Variants in SPOCK3 observed in about 807,000 individuals in gnomAD.
SPOCK3 encodes testican-3.
In SPOCK3, 30 loss-of-function variants were observed where a neutral mutation model predicts 56.6. The ratio of observed to expected loss-of-function variants is 0.53; its 90% CI spans 0.40 to 0.72. The LOEUF is 0.72. SPOCK3 is among the 30% of genes least tolerant of loss of function. SPOCK3 has a pLI of 0.00. For missense variants in SPOCK3, 527 were observed against 530.0 expected (o/e 0.99, Z 0.06); for synonymous variants, 196 against 183.3 (o/e 1.07, Z -0.56).
At chr4:166,794,967 G>T (rs573500608) in intron 6 of SPOCK3, among the ~76,000 whole-genome samples, 67 of 152,128 alleles carry the variant, frequency 4.4e-4, no homozygotes, top group Middle Eastern at 3.4e-3. Context: ...TATCGTGCAG[G>T]TATACTACAT....
rs552169285 is a variant in SPOCK3, at chr4:166,878,444, T to C, written c.589+10686A>G. Among the ~76,000 whole-genome samples the C allele has an allele frequency of 4.6e-5, 7 of 152,098 alleles. No homozygotes were observed. The South Asian group carries it at 1.5e-3, about 32-fold the overall frequency. On this transcript the variant is annotated intron_variant, in intron 6 of 10. Coordinates refer to ENST00000357545, the MANE Select transcript of SPOCK3 (RefSeq NM_001040159.2). ...AAGTTGGCCAAAATCATAGGCAACA[T>C]AGGCCAATAAATTTTTAAAATTTTT...
intron 2 of SPOCK3, among the ~76,000 whole-genome samples, chr4:167,197,072 G>GGTGT (rs1351329954): frequency 2.0e-5 from 3 of 152,006 alleles, no homozygotes; most frequent in Non-Finnish European, 2.9e-5. Context: ...AAGGTGTGAG[G>GGTGT]GTGTGACTCA....
intron 4 of SPOCK3, among the ~76,000 whole-genome samples, chr4:166,990,429 T>C (rs1229570855): frequency 6.6e-6 from 1 of 152,022 alleles, no homozygotes; most frequent in Admixed American, 6.6e-5. Flanking sequence ...AATATTTTTT[T>C]AAAAATCTAA....
At chr4:167,187,353 GAATT>G (rs1732088069) in intron 2 of SPOCK3, among the ~76,000 whole-genome samples, 1 of 150,394 alleles carries the variant, frequency 6.6e-6, no homozygotes, top group Admixed American at 6.6e-5. Flanking sequence ...TTATCAGCAA[GAATT>G]AATTTTCAGA....
intron 6 of SPOCK3, among the ~76,000 whole-genome samples, chr4:166,880,811 C>T (rs1316231617): frequency 1.3e-5 from 2 of 152,154 alleles, no homozygotes; most frequent in African/African-American, 2.4e-5. Context: ...AGCCTCAATT[C>T]TTACCAACTT....
At chr4:167,202,841 G>A (rs1733651511) in intron 2 of SPOCK3, among the ~76,000 whole-genome samples, 1 of 151,360 alleles carries the variant, frequency 6.6e-6, no homozygotes, top group African/African-American at 2.4e-5. Context: ...ATATTAAGAT[G>A]TAGATAAAGG....
intron 2 of SPOCK3, among the ~76,000 whole-genome samples, chr4:167,197,175 G>A (rs1054606863): frequency 6.6e-6 from 1 of 152,014 alleles, no homozygotes; most frequent in African/African-American, 2.4e-5. Context: ...GCCTTGGGAT[G>A]GATTATTACA....
chr4:167,151,886 C>G (rs1764459342), intron 2 of SPOCK3, among the ~76,000 whole-genome samples: 1 of 152,194 alleles, frequency 6.6e-6, no homozygotes, highest in African/African-American at 2.4e-5. Context: ...TTGCTATGCT[C>G]TGCTAAGTAA....
intron 5 of SPOCK3, among the ~76,000 whole-genome samples, chr4:166,889,666 C>CT (rs1175842334): frequency 2.0e-5 from 3 of 151,900 alleles, no homozygotes; most frequent in African/African-American, 7.2e-5. Flanking sequence ...TTATTGGACT[C>CT]TAAGTTTTGG....
intron 2 of SPOCK3, among the ~76,000 whole-genome samples, chr4:167,222,866 CAT>C (rs1455600714): frequency 8.1e-6 from 1 of 122,822 alleles, no homozygotes; most frequent in African/African-American, 3.3e-5. Context: ...AATATATAAA[CAT>C]AGATATATAT....
At chr4:167,076,574 TAGA>T (rs1757204549) in intron 2 of SPOCK3, among the ~76,000 whole-genome samples, 1 of 151,964 alleles carries the variant, frequency 6.6e-6, no homozygotes, top group Non-Finnish European at 1.5e-5. Flanking sequence ...CTACACACAG[TAGA>T]AGATTTTAAA....
At chr4:166,736,923 G>T (rs1003463440) in intron 10 of SPOCK3, among the ~76,000 whole-genome samples, 4 of 152,004 alleles carry the variant, frequency 2.6e-5, no homozygotes, top group Non-Finnish European at 4.4e-5. Context: ...TCCTAAAAAA[G>T]AATTAGAATA....
At chr4:167,041,579 C>A (rs1442109328) in intron 3 of SPOCK3, among the ~76,000 whole-genome samples, 3 of 152,044 alleles carry the variant, frequency 2.0e-5, no homozygotes, top group African/African-American at 7.2e-5. Context: ...AAAGATTTTT[C>A]TTGTGAGGAA....
intron 6 of SPOCK3, among the ~76,000 whole-genome samples, chr4:166,804,832 A>G (rs1037001820): frequency 1.3e-5 from 2 of 152,038 alleles, no homozygotes; most frequent in African/African-American, 4.8e-5. Context: ...TAGGCAGCCA[A>G]CTCTACTACA....
intron 2 of SPOCK3, among the ~76,000 whole-genome samples, chr4:167,069,361 C>A (rs1403923046): frequency 1.3e-5 from 2 of 151,880 alleles, no homozygotes; most frequent in Non-Finnish European, 2.9e-5. Flanking sequence ...TGTGAGAGAA[C>A]CATTTTGAAC....
intron 5 of SPOCK3, among the ~76,000 whole-genome samples, chr4:166,898,938 C>T (rs1033131171): frequency 6.6e-6 from 1 of 152,068 alleles, no homozygotes; most frequent in African/African-American, 2.4e-5. Flanking sequence ...GACCCTCTCA[C>T]CAATGTGGGT....
intron 4 of SPOCK3, among the ~76,000 whole-genome samples, chr4:166,990,011 G>A (rs902769007): frequency 5.9e-5 from 9 of 152,102 alleles, no homozygotes; most frequent in Non-Finnish European, 1.3e-4. Flanking sequence ...TCTGAACTCC[G>A]AAGTGATAAG....
At chr4:166,793,861 G>C (rs1331274791) in intron 6 of SPOCK3, among the ~76,000 whole-genome samples, 1 of 152,036 alleles carries the variant, frequency 6.6e-6, no homozygotes, top group African/African-American at 2.4e-5. Flanking sequence ...ACATATACAG[G>C]ATCTGAAAAA....
At chr4:166,745,291 C>G (rs1248956974) in intron 8 of SPOCK3, among the ~76,000 whole-genome samples, 2 of 152,168 alleles carry the variant, frequency 1.3e-5, no homozygotes, top group Non-Finnish European at 2.9e-5. Flanking sequence ...GCGGATCTCT[C>G]AGCAGAAACT....
Sources: allele counts gnomAD v4.1 joint callset (sites outside exome capture counted in the v4.1 genomes callset), GRCh38; gene constraint gnomAD v4.1.1; transcripts MANE v1.5; gene names NCBI Gene and HGNC (gene_info 2026-07-23, HGNC 2026-07-21).